The following PDZD9 variants were observed in gnomAD, a reference collection of about 807,000 sequenced individuals.
PDZD9 encodes PDZ domain containing 9.
PDZD9 carries 13 observed loss-of-function variants against 16.3 expected under a neutral mutation model. That is an observed-to-expected ratio of 0.80 (90% confidence interval 0.52 to 1.27). The LOEUF is 1.27. PDZD9 is among the 50% of genes most tolerant of loss of function. PDZD9 has a pLI of 0.00. For missense variants in PDZD9, 288 were observed against 310.9 expected (o/e 0.93, Z 0.55); for synonymous variants, 120 against 111.0 (o/e 1.08, Z -0.51).
In PDZD9 at chr16:21,992,140, G is replaced by A. The variant is rs536609998; in HGVS notation, c.212-3349C>T. 1.2e-4 allele frequency among the ~76,000 whole-genome samples: 18 copies of A among 152,206 alleles called. No homozygotes were observed. In the South Asian group the frequency reaches 3.7e-3, roughly 32 times the overall value. ...GCACTTTGGGAGACTGAGGCAGGAG[G>A]ATTGCTTGAGCCCAGGGGTTCGAGG... is the stretch of plus-strand genomic sequence containing the variant. On this transcript the variant is annotated intron_variant, in intron 2 of 3. Coordinates refer to ENST00000424898, the MANE Select transcript of PDZD9 (RefSeq NM_001363519.1).
intron 2 of PDZD9, 147 bp from the exon 3 acceptor site, chr16:21,988,938 T>G: frequency 1.4e-6 from 1 of 703,992 alleles, no homozygotes. Flanking sequence ...CTTTTTTTTT[T>G]TTTTTTTTTT....
chr16:21,966,282 G>A, the PDZD9 span, among the ~76,000 whole-genome samples: 2 of 151,638 alleles, frequency 1.3e-5, no homozygotes, highest in Non-Finnish European at 2.9e-5. Context: ...TTCCATCCTC[G>A]CTCACTCATT....
the PDZD9 span, among the ~76,000 whole-genome samples, chr16:21,978,621 C>G: frequency 6.6e-6 from 1 of 152,144 alleles, no homozygotes; most frequent in African/African-American, 2.4e-5. Context: ...TTACCTAGAT[C>G]TAAGTTCTAG....
chr16:21,966,706 C>T, the PDZD9 span, among the ~76,000 whole-genome samples: 6 of 152,056 alleles, frequency 3.9e-5, no homozygotes, highest in Admixed American at 3.3e-4. Flanking sequence ...AACAGGCAGC[C>T]GTTTTCATAA....
the PDZD9 span, among the ~76,000 whole-genome samples, chr16:21,964,312 G>GA: frequency 6.6e-6 from 1 of 152,182 alleles, no homozygotes. Flanking sequence ...TATTCTGCCT[G>GA]AACAGTTACT....
the PDZD9 span, chr16:21,961,411 C>G: frequency 2.8e-6 from 1 of 352,778 alleles, no homozygotes; most frequent in South Asian, 2.1e-5. Context: ...GTCAACATAG[C>G]ACAACTGAAG....
the PDZD9 span, chr16:21,962,952 A>C: frequency 2.0e-6 from 3 of 1,524,084 alleles, no homozygotes; most frequent in Non-Finnish European, 2.6e-6. Context: ...AATTTATAGA[A>C]GAAAAAAAAT....
chr16:21,972,259 G>A, the PDZD9 span: 1 of 1,159,350 alleles, frequency 8.6e-7, no homozygotes, highest in Non-Finnish European at 1.2e-6. Flanking sequence ...AGCCAGGCTT[G>A]ATTTTAGTAT....
Position 21,988,588 on chromosome 16 carries a change from A to G in PDZD9, c.401+14T>C, listed in dbSNP as rs1272325261. The G allele has an allele frequency of 6.3e-7, 1 of 1,587,256 alleles. No individual in the cohort carries two copies. Among genetic ancestry groups the G allele is most frequent in the Middle Eastern group, 1.7e-4 (1 of 5,908 alleles). ...CTGTATTATAACAAAGAGTTCCTAA[A>G]ATGAACTATTTACCTTGTTACTGGG... is the stretch of plus-strand genomic sequence containing the variant. On this transcript the variant is annotated intron_variant, in intron 3 of 3. Transcript: ENST00000424898.
chr16:21,984,080 G>T lies in PDZD9; in HGVS notation c.*187C>A. 1.8e-6 allele frequency: 1 copy of T among 566,400 alleles called. No homozygotes were observed. Among genetic ancestry groups the T allele is most frequent in the Non-Finnish European group, 2.9e-6 (1 of 340,534 alleles). The allele number at this position is 566,400 out of a possible 1,614,324, so 35.1% of individuals were successfully genotyped here. A position where few individuals can be genotyped will look rare whatever the true frequency, so the allele number is the denominator to read the frequency against. On this transcript the variant is annotated 3_prime_UTR_variant, in exon 4 of 4. Coordinates refer to ENST00000424898, the MANE Select transcript of PDZD9 (RefSeq NM_001363519.1). ...TCTGAAAATAAGATTTGTGAGGCCT[G>T]CAAGAACCCAAGGAAGTCTTTAGAT...
downstream of PDZD9, chr16:21,980,531 G>A: frequency 6.2e-7 from 1 of 1,608,122 alleles, no homozygotes; most frequent in Non-Finnish European, 8.5e-7. Flanking sequence ...ACTGACTTCT[G>A]CCTTTTATTG....
At chr16:21,957,845 T>C in the PDZD9 span, among the ~76,000 whole-genome samples, 2 of 152,208 alleles carry the variant, frequency 1.3e-5, no homozygotes, top group Non-Finnish European at 2.9e-5. Context: ...TGTTCCTAGC[T>C]TCCAGCAGTT....
At chr16:21,993,543 T>C (rs1246714622) in intron 2 of PDZD9, among the ~76,000 whole-genome samples, 1 of 152,230 alleles carries the variant, frequency 6.6e-6, no homozygotes, top group Non-Finnish European at 1.5e-5. Context: ...TCTTCTTTAA[T>C]CCATTGCTTG....
At chr16:21,988,385 G>C (rs545221673) in intron 3 of PDZD9, among the ~76,000 whole-genome samples, 1 of 152,012 alleles carries the variant, frequency 6.6e-6, no homozygotes, top group African/African-American at 2.4e-5. Context: ...ATTCCCAACC[G>C]ATGACTTGTT....
chr16:21,982,318 T>A (rs1168474495), downstream of PDZD9, among the ~76,000 whole-genome samples: 1 of 152,188 alleles, frequency 6.6e-6, no homozygotes, highest in East Asian at 1.9e-4. Context: ...AACCAGCCTT[T>A]GAACTTGGAA....
chr16:21,981,660 G>A (rs1216323929), downstream of PDZD9, among the ~76,000 whole-genome samples: 1 of 151,742 alleles, frequency 6.6e-6, no homozygotes, highest in East Asian at 2.0e-4. Flanking sequence ...GAGCTCATGG[G>A]GCTGAGGTGG....
At chr16:21,977,075 T>A in the PDZD9 span, 1 of 152,164 alleles carries the variant, frequency 6.6e-6, no homozygotes, top group Non-Finnish European at 1.5e-5. Context: ...TACATTTGAC[T>A]AGGCGCAGTT....
the PDZD9 span, chr16:21,976,237 C>T: frequency 6.2e-7 from 1 of 1,612,850 alleles, no homozygotes; most frequent in Admixed American, 1.7e-5. Flanking sequence ...GATGTCCAAG[C>T]TGCCAAGTAA....
chr16:21,996,908 G>A (rs999479861), intron 1 of PDZD9, among the ~76,000 whole-genome samples: 3 of 152,070 alleles, frequency 2.0e-5, no homozygotes, highest in African/African-American at 4.8e-5. Flanking sequence ...CTGCAGCCTC[G>A]ATCTCCTGGG....
Sources: gnomAD v4.1 joint callset for allele counts (sites outside exome capture counted in the v4.1 genomes callset) on GRCh38, gnomAD v4.1.1 for gene constraint, MANE v1.5 for transcripts, NCBI Gene and HGNC (gene_info 2026-07-23, HGNC 2026-07-21) for gene names.